The following NLGN4X variants were observed in gnomAD, a reference collection of about 807,000 sequenced individuals.
NLGN4X encodes the protein neuroligin 4 X-linked, also known as neuroligin-4, X-linked.
A neutral mutation model predicts 40.3 loss-of-function variants in NLGN4X; 3 were observed. That is an observed-to-expected ratio of 0.07 (90% confidence interval 0.03 to 0.19). The LOEUF (loss-of-function observed/expected upper bound fraction) is 0.19, where lower values mean the gene tolerates loss of function less well. NLGN4X is among the 10% of genes least tolerant of loss of function. NLGN4X has a pLI of 1.00. For synonymous variants in NLGN4X, 270 were observed against 306.8 expected, an observed-to-expected ratio of 0.88 and a Z score of 1.25; for missense variants, 382 against 708.3, an observed-to-expected ratio of 0.54 and a Z score of 5.23.
chrX:6,195,544 G>A (rs896539120), intron 1 of NLGN4X, among the ~76,000 whole-genome samples: 1 of 112,488 alleles, frequency 8.9e-6, no homozygotes, highest in Non-Finnish European at 1.9e-5. Context: ...CATGATGCAT[G>A]AGTGTGCATA....
intron 2 of NLGN4X, among the ~76,000 whole-genome samples, chrX:6,040,014 C>T (rs1171463608): frequency 1.8e-5 from 2 of 111,768 alleles, no homozygotes; most frequent in African/African-American, 3.3e-5. Context: ...TGTAGCTTAC[C>T]GCAGCCTCCA....
chrX:5,900,641 A>G (rs1489047914), intron 5 of NLGN4X, among the ~76,000 whole-genome samples: 1 of 93,430 alleles, frequency 1.1e-5, no homozygotes, highest in Non-Finnish European at 2.0e-5. Context: ...TGGTGCAAAC[A>G]TGGCCCACTG....
At chrX:5,979,723 T>C (rs957887043) in intron 3 of NLGN4X, among the ~76,000 whole-genome samples, 1 of 93,783 alleles carries the variant, frequency 1.1e-5, no homozygotes, top group Admixed American at 1.2e-4. Context: ...AGAATATATA[T>C]ATGTGTGTAT....
intron 2 of NLGN4X, among the ~76,000 whole-genome samples, chrX:6,110,480 G>A (rs925268417): frequency 6.3e-5 from 7 of 111,928 alleles, no homozygotes; most frequent in Non-Finnish European, 9.4e-5. Flanking sequence ...AAGCAGATAC[G>A]CAGCAGATTG....
chrX:5,989,648 T>C (rs1465325752), intron 3 of NLGN4X, among the ~76,000 whole-genome samples: 1 of 112,209 alleles, frequency 8.9e-6, no homozygotes, highest in East Asian at 2.8e-4. Context: ...ATATAAGATA[T>C]GGTTTTTAAT....
At chrX:6,025,314 G>A (rs1439388849) in intron 3 of NLGN4X, among the ~76,000 whole-genome samples, 2 of 111,571 alleles carry the variant, frequency 1.8e-5, no homozygotes, top group Non-Finnish European at 3.8e-5. Context: ...GCACAGTTCT[G>A]ATTATTTTTT....
chrX:6,084,323 T>C (rs191873935), intron 2 of NLGN4X, among the ~76,000 whole-genome samples: 1 of 111,222 alleles, frequency 9.0e-6, no homozygotes, highest in Admixed American at 9.5e-5. Flanking sequence ...ATGGTCACTA[T>C]TAATGGAAGG....
At chrX:6,181,578 ACT>A (rs1253751164) in intron 1 of NLGN4X, among the ~76,000 whole-genome samples, 1 of 110,317 alleles carries the variant, frequency 9.1e-6, no homozygotes, top group Non-Finnish European at 1.9e-5. Context: ...GCTAATAGGG[ACT>A]CTCTGCTGAT....
chrX:6,154,336 ATGTG>A (rs967687734), intron 1 of NLGN4X, among the ~76,000 whole-genome samples: 2 of 111,627 alleles, frequency 1.8e-5, no homozygotes, highest in African/African-American at 6.5e-5. Flanking sequence ...GCTGTCGTGT[ATGTG>A]TGTGTGTGTG....
At chrX:5,955,705 A>AC (rs2034468756) in intron 3 of NLGN4X, among the ~76,000 whole-genome samples, 1 of 109,721 alleles carries the variant, frequency 9.1e-6, no homozygotes, top group Admixed American at 9.8e-5. Context: ...GTATGACATT[A>AC]CCCCAGGAAA....
chrX:6,213,754 C>A (rs1924823334), intron 1 of NLGN4X, among the ~76,000 whole-genome samples: 1 of 112,153 alleles, frequency 8.9e-6, no homozygotes, highest in Non-Finnish European at 1.9e-5. Context: ...TGGAACAATT[C>A]TGCTGGCTTC....
intron 3 of NLGN4X, among the ~76,000 whole-genome samples, chrX:5,913,864 T>C (rs1460388987): frequency 1.8e-5 from 2 of 111,872 alleles, no homozygotes; most frequent in Non-Finnish European, 3.8e-5. Flanking sequence ...TTTGTCATGC[T>C]GTTCTCATGA....
At chrX:6,036,610 G>GCA (rs55801725) in intron 2 of NLGN4X, among the ~76,000 whole-genome samples, 8,211 of 93,305 alleles carry the variant, frequency 0.088, 920 homozygotes, top group African/African-American at 0.3. Context: ...TGTGGCTGGC[G>GCA]CACACACACA....
At chrX:6,136,028 G>A (rs1470573255) in intron 2 of NLGN4X, among the ~76,000 whole-genome samples, 1 of 112,170 alleles carries the variant, frequency 8.9e-6, no homozygotes, top group East Asian at 2.8e-4. Flanking sequence ...TAATATCTAT[G>A]TAGAAGTTGG....
chrX:6,097,947 CA>C (rs1373748674), intron 2 of NLGN4X, among the ~76,000 whole-genome samples: 4 of 112,246 alleles, frequency 3.6e-5, no homozygotes, highest in Non-Finnish European at 7.5e-5. Context: ...ACCTCAACAG[CA>C]ATAAATGAAT....
intron 2 of NLGN4X, among the ~76,000 whole-genome samples, chrX:6,045,208 C>T (rs1488390084): frequency 8.9e-6 from 1 of 111,745 alleles, no homozygotes; most frequent in Non-Finnish European, 1.9e-5. Context: ...AAATCTTGGT[C>T]TTGAGGTAAA....
chrX:6,059,481 G>A lies in NLGN4X; in HGVS notation c.473-30049C>T, dbSNP rs761332584. Reference sequence around the variant, plus strand: ...TTCTCTAATTGTCTACCCCACACACGGTGGCAGTTAATTATACATTATCTT... The same window carrying A: ...TTCTCTAATTGTCTACCCCACACACAGTGGCAGTTAATTATACATTATCTT... On this transcript the variant is annotated intron_variant, in intron 2 of 5. Transcript: ENST00000381095. Among the ~76,000 whole-genome samples the A allele has an allele frequency of 2.7e-5, 3 of 111,768 alleles. No homozygotes were observed. The East Asian group carries it at 8.5e-4, about 32-fold the overall frequency.
At chrX:6,017,218 A>G (rs1487162191) in intron 3 of NLGN4X, among the ~76,000 whole-genome samples, 1 of 112,166 alleles carries the variant, frequency 8.9e-6, no homozygotes, top group Non-Finnish European at 1.9e-5. Context: ...AGATGTATCA[A>G]AAGCCATTAA....
intron 2 of NLGN4X, among the ~76,000 whole-genome samples, chrX:6,109,805 T>C (rs2039107490): frequency 1.8e-5 from 2 of 112,236 alleles, no homozygotes; most frequent in Admixed American, 9.5e-5. Flanking sequence ...CTAACTCTAC[T>C]ATACATTTCT....
Sources: gnomAD v4.1 joint callset for allele counts (sites outside exome capture counted in the v4.1 genomes callset) on GRCh38, gnomAD v4.1.1 for gene constraint, MANE v1.5 for transcripts, NCBI Gene and HGNC (gene_info 2026-07-23, HGNC 2026-07-21) for gene names.